The following AUTS2 variants were observed in gnomAD, a reference collection of about 807,000 sequenced individuals.
AUTS2 encodes the protein activator of transcription and developmental regulator AUTS2.
A neutral mutation model predicts 112.4 loss-of-function variants in AUTS2; 17 were observed. That is an observed-to-expected ratio of 0.15 (90% confidence interval 0.10 to 0.23). The LOEUF (loss-of-function observed/expected upper bound fraction) is 0.23. Among genes scored for constraint, AUTS2 ranks in the 10% least tolerant of loss-of-function variants. AUTS2 has a pLI of 1.00. For missense variants in AUTS2, 1,510 were observed against 1,701.6 expected (o/e 0.89, Z 1.98); for synonymous variants, 751 against 702.7 (o/e 1.07, Z -1.09).
At chr7:70,647,695 T>C (rs1400074698) in intron 5 of AUTS2, among the ~76,000 whole-genome samples, 1 of 152,158 alleles carries the variant, frequency 6.6e-6, no homozygotes, top group African/African-American at 2.4e-5. Context: ...CTGGGTATCA[T>C]ACCTGTCTCT....
chr7:70,532,781 T>C (rs1355597311), intron 5 of AUTS2, among the ~76,000 whole-genome samples: 1 of 151,922 alleles, frequency 6.6e-6, no homozygotes, highest in Non-Finnish European at 1.5e-5. Context: ...GAGGTGGAGG[T>C]AAAGGCCTGC....
At position 70,435,780 on chromosome 7, in the gene AUTS2, A is replaced by T. The variant is rs1264698869; in HGVS notation, c.689A>T (p.Lys230Met). The T allele has an allele frequency of 3.7e-6, 6 of 1,613,864 alleles. No individual in the cohort carries two copies. The highest frequency in any genetic ancestry group is 5.1e-6 in the Non-Finnish European group (6 of 1,179,884). Residue 230 changes from lysine (K) to methionine (M), a missense_variant and splice_region_variant, in exon 5 of 19, where the codon AAG (lysine) becomes ATG (methionine). By Grantham distance (95) the Lys-to-Met change is moderately conservative (BLOSUM62 -1). Transcript: ENST00000342771. ...GACAGTGACAGTGACCAGGAAGAGAAGGTAAGACCCCCCCTCCCCCATTGT... is the reference window on the plus strand; with the variant it reads ...GACAGTGACAGTGACCAGGAAGAGATGGTAAGACCCCCCCTCCCCCATTGT... ...FCDSDSDQEEKASDASSEKLF... is the reference protein window; with the variant it reads ...FCDSDSDQEEMASDASSEKLF...
intron 5 of AUTS2, among the ~76,000 whole-genome samples, chr7:70,567,720 T>C (rs1300032383): frequency 2.0e-5 from 3 of 152,174 alleles, no homozygotes; most frequent in Non-Finnish European, 4.4e-5. Context: ...AGTGTTAGCT[T>C]GAGGGTTCAT....
intron 1 of AUTS2, among the ~76,000 whole-genome samples, chr7:69,678,885 CCTT>C (rs1288973941): frequency 6.6e-6 from 1 of 152,220 alleles, no homozygotes; most frequent in East Asian, 1.9e-4. Flanking sequence ...GATGCTGACT[CCTT>C]CTGTTTAGCT....
intron 4 of AUTS2, among the ~76,000 whole-genome samples, chr7:70,391,775 C>G (rs1365790900): frequency 6.6e-6 from 1 of 152,200 alleles, no homozygotes; most frequent in Admixed American, 6.5e-5. Flanking sequence ...ATCTTCACAG[C>G]AAACTTGCAT....
At chr7:70,264,721 TG>T (rs1787335094) in intron 4 of AUTS2, among the ~76,000 whole-genome samples, 1 of 152,138 alleles carries the variant, frequency 6.6e-6, no homozygotes, top group Admixed American at 6.5e-5. Flanking sequence ...TTTTTTTCCT[TG>T]AAGAATGGAT....
intron 5 of AUTS2, among the ~76,000 whole-genome samples, chr7:70,453,643 T>C (rs756241572): frequency 5.9e-5 from 9 of 152,214 alleles, no homozygotes; most frequent in Non-Finnish European, 1.3e-4. Context: ...AATTGTTCCT[T>C]GCCTTGTCCA....
At chr7:69,684,073 T>G (rs1796944937) in intron 1 of AUTS2, among the ~76,000 whole-genome samples, 1 of 152,162 alleles carries the variant, frequency 6.6e-6, no homozygotes, top group South Asian at 2.1e-4. Flanking sequence ...TCAGCCATCT[T>G]GAGATTGGAA....
At chr7:70,765,033 C>A (rs757228680) in intron 8 of AUTS2, 28 bp downstream of exon 8, 1 of 1,611,892 alleles carries the variant, frequency 6.2e-7, no homozygotes, top group Admixed American at 1.7e-5. Context: ...GTGCTCGTGA[C>A]CCCGACCCCC....
intron 2 of AUTS2, among the ~76,000 whole-genome samples, chr7:70,096,245 G>T (rs1804191558): frequency 6.6e-6 from 1 of 152,108 alleles, no homozygotes; most frequent in South Asian, 2.1e-4. Context: ...TAATATGAAT[G>T]TATTAGATCA....
chr7:70,775,258 AT>A (rs1790612332), intron 12 of AUTS2, 98 bp from the exon 13 acceptor site: 2 of 1,034,572 alleles, frequency 1.9e-6, no homozygotes, highest in Non-Finnish European at 3.0e-6. Flanking sequence ...AAATTCTAAC[AT>A]TTTAATTTCC....
At chr7:70,653,026 A>G (rs1293885659) in intron 5 of AUTS2, among the ~76,000 whole-genome samples, 1 of 152,022 alleles carries the variant, frequency 6.6e-6, no homozygotes, top group Non-Finnish European at 1.5e-5. Context: ...AGGTCAAGAG[A>G]GGAGGATCAC....
chr7:70,216,540 A>G (rs906829349), intron 4 of AUTS2, among the ~76,000 whole-genome samples: 2 of 152,126 alleles, frequency 1.3e-5, no homozygotes, highest in African/African-American at 4.8e-5. Flanking sequence ...TGTCTAGTCA[A>G]TGAATTCTGC....
Position 69,636,480 on chromosome 7 carries a change from G to GCA in AUTS2, c.309+36519_309+36520insAC, listed in dbSNP as rs750144181. ...GAACTCCTGACCTCAAGTGATCCGC[G>GCA]CCCCCCCCCCCCCTTGGCCTCCCAA... On this transcript the variant is annotated intron_variant, in intron 1 of 18. Transcript: ENST00000342771. 1.7e-3 allele frequency among the ~76,000 whole-genome samples: 27 copies of GCA among 16,102 alleles called. 6 individuals are homozygous for GCA. The highest frequency in any genetic ancestry group is 8.6e-3 in the African/African-American group (25 of 2,912). The allele number at this position is 16,102 out of a possible 152,430, so 10.6% of individuals were successfully genotyped here. A position where few individuals can be genotyped will look rare whatever the true frequency, so the allele number is the denominator to read the frequency against.
intron 6 of AUTS2, among the ~76,000 whole-genome samples, chr7:70,748,009 T>TTTC (rs1395101948): frequency 2.7e-5 from 4 of 145,998 alleles, no homozygotes; most frequent in African/African-American, 1.0e-4. Context: ...TTTTTTTTTT[T>TTTC]AGTAGAGATG....
chr7:69,621,864 A>G (rs934457250), intron 1 of AUTS2, among the ~76,000 whole-genome samples: 2 of 151,950 alleles, frequency 1.3e-5, no homozygotes, highest in African/African-American at 4.8e-5. Context: ...CGCAGACTTT[A>G]GTATGATCTG....
chr7:69,755,609 A>T (rs1787914967), intron 1 of AUTS2, among the ~76,000 whole-genome samples: 1 of 152,174 alleles, frequency 6.6e-6, no homozygotes, highest in Non-Finnish European at 1.5e-5. Context: ...CAACATTATG[A>T]TGAGAGCCAT....
intron 1 of AUTS2, among the ~76,000 whole-genome samples, chr7:69,823,351 A>C (rs987870186): frequency 1.3e-5 from 2 of 152,190 alleles, no homozygotes; most frequent in Non-Finnish European, 2.9e-5. Flanking sequence ...GCCTCGTTAA[A>C]TCTGAACTCC....
At chr7:69,602,277 A>G (rs1562750609) in intron 1 of AUTS2, among the ~76,000 whole-genome samples, 3 of 151,988 alleles carry the variant, frequency 2.0e-5, no homozygotes, top group African/African-American at 7.3e-5. Context: ...AGTTAATACC[A>G]TTTCTTTCTT....
Sources: gnomAD v4.1 joint callset for allele counts (sites outside exome capture counted in the v4.1 genomes callset) on GRCh38, gnomAD v4.1.1 for gene constraint, MANE v1.5 for transcripts, NCBI Gene and HGNC (gene_info 2026-07-23, HGNC 2026-07-21) for gene names.